Variants in MTMR7 observed in about 807,000 individuals in gnomAD.
MTMR7 encodes myotubularin related protein 7.
Under a neutral mutation model 81.2 loss-of-function variants are expected in MTMR7, and 76 were observed. The observed-to-expected ratio is 0.94, with a 90% CI of 0.78 to 1.13. The LOEUF is 1.13. Ranked by LOEUF, MTMR7 falls within the 50% of genes most tolerant of loss-of-function variation. MTMR7 has a pLI of 0.00. For missense variants in MTMR7, 1,044 were observed against 820.0 expected (o/e 1.27, Z -3.34); for synonymous variants, 372 against 289.8 (o/e 1.28, Z -2.88).
intron 6 of MTMR7, among the ~76,000 whole-genome samples, chr8:17,332,796 T>C (rs1324881025): frequency 2.0e-5 from 3 of 152,230 alleles, no homozygotes; most frequent in Non-Finnish European, 4.4e-5. Context: ...CATACAATCA[T>C]CCATTTTTAT....
intron 1 of MTMR7, among the ~76,000 whole-genome samples, chr8:17,389,517 T>A (rs776883096): frequency 3.3e-5 from 5 of 152,184 alleles, no homozygotes; most frequent in Non-Finnish European, 7.3e-5. Context: ...TCCTTGAAGA[T>A]TGGCACTAAT....
At chr8:17,380,877 A>G (rs1820735072) in intron 1 of MTMR7, among the ~76,000 whole-genome samples, 1 of 152,226 alleles carries the variant, frequency 6.6e-6, no homozygotes, top group Non-Finnish European at 1.5e-5. Context: ...CTGTAAAACT[A>G]TATTCACAAA....
At chr8:17,338,504 G>A (rs73557516) in intron 6 of MTMR7, among the ~76,000 whole-genome samples, 6,117 of 152,164 alleles carry the variant, frequency 0.04, 343 homozygotes, top group African/African-American at 0.12. Flanking sequence ...CTTGTCTTCA[G>A]TATATCTAAG....
intron 3 of MTMR7, among the ~76,000 whole-genome samples, chr8:17,368,228 G>A (rs1820295545): frequency 6.6e-6 from 1 of 152,116 alleles, no homozygotes; most frequent in Non-Finnish European, 1.5e-5. Context: ...CTCACAGGAG[G>A]TAGAGCTCAC....
intron 11 of MTMR7, 46 bp from the exon 12 acceptor site, chr8:17,304,565 A>T (rs201728512): frequency 1.3e-6 from 2 of 1,584,936 alleles, no homozygotes; most frequent in East Asian, 4.5e-5. Context: ...TTTGGTGCTT[A>T]CACACAGTAG....
At position 17,385,930 on chromosome 8, in the gene MTMR7, A is replaced by G. The variant is rs1008252639; in HGVS notation, c.25-12690T>C. ...ATTTATACCAATGTGAGAATGGCCT[A>G]ATAGTCAATACAATACAAAGCAAGC... On this transcript the variant is annotated intron_variant, in intron 1 of 13. Coordinates refer to ENST00000180173, the MANE Select transcript of MTMR7 (RefSeq NM_004686.5). Among the ~76,000 whole-genome samples, 7 of 152,338 alleles carry G rather than the reference A, an allele frequency of 4.6e-5. No individual in the cohort carries two copies. The East Asian group carries it at 9.6e-4, about 21-fold the overall frequency.
rs1290447205 is a variant in MTMR7 at position 17,304,077 on chromosome 8, AG to A, written c.1493+301del. ...AACTTGTGATTCCACATTTGACTTA[AG>A]GCATTTGCATTATTCTCTTTCATTT... On this transcript the variant is annotated intron_variant, in intron 12 of 13. Transcript: ENST00000180173. 2.0e-5 allele frequency among the ~76,000 whole-genome samples: 3 copies of A among 152,328 alleles called. No individual in the cohort carries two copies. In the East Asian group the frequency reaches 5.8e-4, roughly 29 times the overall value.
chr8:17,317,731 T>C (rs527906538), intron 7 of MTMR7, among the ~76,000 whole-genome samples: 3 of 152,238 alleles, frequency 2.0e-5, no homozygotes, highest in East Asian at 1.9e-4. Flanking sequence ...ATTCCAGAGA[T>C]TGTCTAAGGA....
rs116750633 is a variant in MTMR7, at chr8:17,357,575, A to T, written c.468+3542T>A. Among the ~76,000 whole-genome samples the T allele has an allele frequency of 6.9e-3, 1,058 of 152,328 alleles. 17 individuals are homozygous for T. The highest frequency in any genetic ancestry group is 0.024 in the African/African-American group (999 of 41,570). Reference sequence around the variant, plus strand: ...CCTTTTTTTCCCTCATAGCTATCACAAAATGATGTCGAGCAAAATGATGTT... The same window carrying T: ...CCTTTTTTTCCCTCATAGCTATCACTAAATGATGTCGAGCAAAATGATGTT... On this transcript the variant is annotated intron_variant, in intron 4 of 13. Transcript: ENST00000180173.
intron 13 of MTMR7, 132 bp from the exon 14 acceptor site, chr8:17,300,356 G>C: frequency 9.9e-7 from 1 of 1,014,290 alleles, no homozygotes; most frequent in South Asian, 1.8e-5. Flanking sequence ...AGGGATGTGA[G>C]TTCAAACCTG....
In MTMR7 at chr8:17,331,285, G is replaced by A. The variant is rs369709931; in HGVS notation, c.733-3C>T. On this transcript the variant is annotated splice_polypyrimidine_tract_variant and splice_region_variant and intron_variant, in intron 6 of 13. Transcript: ENST00000180173. Reference sequence around the variant, plus strand: ...GCACGATTTGCCATTGCATTAAGCTGCAGTGGTCAGCAAAACAGAACAGTC... The same window carrying A: ...GCACGATTTGCCATTGCATTAAGCTACAGTGGTCAGCAAAACAGAACAGTC... The A allele has an allele frequency of 8.2e-6, 13 of 1,588,456 alleles. No individual in the cohort carries two copies. In the African/African-American group the frequency reaches 1.8e-4, roughly 22 times the overall value.
chr8:17,358,831 T>C (rs913694587), intron 4 of MTMR7, among the ~76,000 whole-genome samples: 1 of 152,190 alleles, frequency 6.6e-6, no homozygotes, highest in Non-Finnish European at 1.5e-5. Flanking sequence ...GGGGAAATTA[T>C]ACACATAAGG....
chr8:17,326,846 C>G (rs990050391), intron 7 of MTMR7, among the ~76,000 whole-genome samples: 1 of 152,180 alleles, frequency 6.6e-6, no homozygotes, highest in African/African-American at 2.4e-5. Flanking sequence ...TGAGAAACAT[C>G]CAGACTCCTG....
At chr8:17,385,049 G>A (rs552884505) in intron 1 of MTMR7, among the ~76,000 whole-genome samples, 2 of 152,332 alleles carry the variant, frequency 1.3e-5, no homozygotes, top group South Asian at 2.1e-4. Flanking sequence ...TGGGAGGCAT[G>A]CAAAGAATCC....
At chr8:17,328,195 C>T (rs900253273) in intron 7 of MTMR7, among the ~76,000 whole-genome samples, 7 of 151,442 alleles carry the variant, frequency 4.6e-5, no homozygotes, top group African/African-American at 1.7e-4. Flanking sequence ...TTGCTTCTTT[C>T]CTATCAGTGC....
At chr8:17,302,706 C>CA (rs1817199114) in intron 12 of MTMR7, among the ~76,000 whole-genome samples, 1 of 47,900 alleles carries the variant, frequency 2.1e-5, no homozygotes, top group Non-Finnish European at 6.9e-5. Flanking sequence ...GGCAATAACC[C>CA]CCCCCCCCCC....
chr8:17,386,307 G>C (rs76902022), intron 1 of MTMR7, among the ~76,000 whole-genome samples: 8,933 of 152,272 alleles, frequency 0.059, 729 homozygotes, highest in African/African-American at 0.18. Context: ...GAGCCAGGGA[G>C]GTCAAGGCTG....
At chr8:17,322,595 G>C (rs1033122769) in intron 7 of MTMR7, among the ~76,000 whole-genome samples, 1 of 152,148 alleles carries the variant, frequency 6.6e-6, no homozygotes, top group African/African-American at 2.4e-5. Flanking sequence ...CAAGGCAGTA[G>C]GATTGCTTGA....
In MTMR7 at chr8:17,313,182, G is replaced by A. The variant is rs182051871; in HGVS notation, c.975+110C>T. 19 of 702,888 alleles carry A rather than the reference G, an allele frequency of 2.7e-5. No individual in the cohort carries two copies. In the Admixed American group the frequency reaches 4.7e-4, roughly 17 times the overall value. 43.5% of individuals were successfully genotyped at this position (702,888 alleles called of 1,614,324 possible). The stretch of plus-strand genomic sequence containing the variant: ...GGAGCTCTACAAAGCTGGCTATCCA[G>A]TCAGTGCAGTGCAGCTTAAGACAGG... On this transcript the variant is annotated intron_variant, in intron 8 of 13. Transcript: ENST00000180173.
Sources: allele counts gnomAD v4.1 joint callset (sites outside exome capture counted in the v4.1 genomes callset), GRCh38; gene constraint gnomAD v4.1.1; transcripts MANE v1.5; gene names NCBI Gene and HGNC (gene_info 2026-07-23, HGNC 2026-07-21).